The following NTN4 variants were observed in gnomAD, a reference collection of about 807,000 sequenced individuals.
The protein encoded by NTN4 is netrin 4.
Under a neutral mutation model 73.6 loss-of-function variants are expected in NTN4, and 32 were observed. That is an observed-to-expected ratio of 0.44 (90% confidence interval 0.33 to 0.58). The LOEUF (loss-of-function observed/expected upper bound fraction) is 0.58, where lower values mean the gene tolerates loss of function less well. NTN4 is among the 20% of genes least tolerant of loss of function. The pLI, the probability that NTN4 is intolerant of heterozygous loss-of-function variation, is 0.04. For missense variants in NTN4, 654 were observed against 798.3 expected (o/e 0.82, Z 2.18); for synonymous variants, 258 against 287.5 (o/e 0.90, Z 1.04).
chr12:95,704,599 C>T (rs562976554), intron 5 of NTN4, among the ~76,000 whole-genome samples: 15 of 152,264 alleles, frequency 9.9e-5, no homozygotes, highest in African/African-American at 3.4e-4. Context: ...AATGAAAATG[C>T]TCTCAAACAT....
intron 1 of NTN4, among the ~76,000 whole-genome samples, chr12:95,788,030 T>C (rs1048368891): frequency 6.6e-6 from 1 of 152,140 alleles, no homozygotes; most frequent in African/African-American, 2.4e-5. Context: ...AGGGATAAAT[T>C]CCCTAGGAAA....
At chr12:95,738,432 C>T (rs376604462) in intron 2 of NTN4, among the ~76,000 whole-genome samples, 6 of 152,034 alleles carry the variant, frequency 3.9e-5, no homozygotes, top group Admixed American at 6.6e-5. Context: ...GCATTCTGGG[C>T]GAGGGAAGAG....
chr12:95,666,294 T>C (rs887275311), intron 8 of NTN4, among the ~76,000 whole-genome samples: 6 of 152,104 alleles, frequency 3.9e-5, no homozygotes, highest in African/African-American at 1.4e-4. Context: ...GGATAAGGGA[T>C]AAAAGACTAT....
chr12:95,715,149 C>A (rs2078596293), intron 3 of NTN4, among the ~76,000 whole-genome samples: 1 of 152,142 alleles, frequency 6.6e-6, no homozygotes, highest in African/African-American at 2.4e-5. Context: ...TCAGGAGTTA[C>A]ACACAGGGCT....
intron 7 of NTN4, among the ~76,000 whole-genome samples, chr12:95,679,121 T>G (rs747140227): frequency 1.3e-5 from 2 of 152,124 alleles, no homozygotes; most frequent in Admixed American, 1.3e-4. Flanking sequence ...ATCCATAAAG[T>G]CAATGCAATT....
intron 7 of NTN4, chr12:95,672,500 C>A: frequency 1.3e-6 from 2 of 1,537,680 alleles, no homozygotes. Context: ...GCGACCCGGA[C>A]CCTCTGGACA....
intron 5 of NTN4, among the ~76,000 whole-genome samples, chr12:95,694,061 C>T (rs1386112091): frequency 6.7e-6 from 1 of 150,264 alleles, no homozygotes; most frequent in East Asian, 1.9e-4. Context: ...GCCTGTCTTC[C>T]ACTGAGGGAG....
chr12:95,721,139 C>T (rs940179957), intron 3 of NTN4, among the ~76,000 whole-genome samples: 1 of 152,192 alleles, frequency 6.6e-6, no homozygotes, highest in Non-Finnish European at 1.5e-5. Context: ...TTTGAGGGGT[C>T]CACTTTGGCC....
At chr12:95,778,006 C>T (rs1407240008) in intron 2 of NTN4, among the ~76,000 whole-genome samples, 1 of 152,166 alleles carries the variant, frequency 6.6e-6, no homozygotes, top group African/African-American at 2.4e-5. Context: ...AATTAAGAAA[C>T]TCACTCAAAA....
intron 8 of NTN4, among the ~76,000 whole-genome samples, chr12:95,669,420 G>C (rs2120937012): frequency 2.0e-5 from 3 of 152,226 alleles, no homozygotes; most frequent in Middle Eastern, 6.8e-3. Context: ...AGAGACCCAG[G>C]TGGACAGCTG....
At chr12:95,660,576 C>T (rs555782647) in intron 9 of NTN4, among the ~76,000 whole-genome samples, 1 of 152,072 alleles carries the variant, frequency 6.6e-6, no homozygotes, top group African/African-American at 2.4e-5. Flanking sequence ...AGGACAGTCT[C>T]ATCACCTATA....
intron 2 of NTN4, among the ~76,000 whole-genome samples, chr12:95,771,284 G>A (rs1363269118): frequency 6.6e-6 from 1 of 152,094 alleles, no homozygotes; most frequent in Non-Finnish European, 1.5e-5. Flanking sequence ...CCACCGCGCG[G>A]GGCCAAGAAT....
intron 3 of NTN4, 38 bp from the exon 4 acceptor site, chr12:95,713,376 G>T (rs2078580862): frequency 6.6e-7 from 1 of 1,526,324 alleles, no homozygotes; most frequent in African/African-American, 1.4e-5. Context: ...GAGCACACAT[G>T]TCGCCAAAGA....
At chr12:95,675,871 G>A (rs12320062) in intron 7 of NTN4, among the ~76,000 whole-genome samples, 1 of 151,874 alleles carries the variant, frequency 6.6e-6, no homozygotes, top group African/African-American at 2.4e-5. Context: ...ATGAAAGGAG[G>A]CTGGGAAAAA....
intron 7 of NTN4, among the ~76,000 whole-genome samples, chr12:95,676,601 G>A (rs191803383): frequency 6.6e-6 from 1 of 152,004 alleles, no homozygotes; most frequent in East Asian, 1.9e-4. Flanking sequence ...ATAACCTTAA[G>A]AGTACTTGCT....
intron 5 of NTN4, among the ~76,000 whole-genome samples, chr12:95,698,250 G>A (rs991769788): frequency 6.6e-6 from 1 of 152,112 alleles, no homozygotes; most frequent in Non-Finnish European, 1.5e-5. Context: ...AGCACATAAA[G>A]CTATAACTTA....
At chr12:95,753,651 C>T (rs973287928) in intron 2 of NTN4, among the ~76,000 whole-genome samples, 10 of 151,290 alleles carry the variant, frequency 6.6e-5, no homozygotes, top group African/African-American at 2.2e-4. Context: ...TACGGTCCTC[C>T]GTCTTCAAGA....
intron 7 of NTN4, among the ~76,000 whole-genome samples, chr12:95,680,223 A>G (rs1434205272): frequency 6.6e-6 from 1 of 152,258 alleles, no homozygotes; most frequent in Admixed American, 6.5e-5. Flanking sequence ...CTTTATTTAC[A>G]GCGCTGCCAC....
At chr12:95,685,419 C>T (rs1385782533) in intron 5 of NTN4, among the ~76,000 whole-genome samples, 1 of 152,176 alleles carries the variant, frequency 6.6e-6, no homozygotes, top group Non-Finnish European at 1.5e-5. Context: ...CCCAGAGCCT[C>T]TGTGACCTCA....
Sources: gnomAD v4.1 joint callset for allele counts (sites outside exome capture counted in the v4.1 genomes callset) on GRCh38, gnomAD v4.1.1 for gene constraint, MANE v1.5 for transcripts, NCBI Gene and HGNC (gene_info 2026-07-23, HGNC 2026-07-21) for gene names.